PPL: variants seen among roughly 807,000 people sequenced by gnomAD.
The protein encoded by PPL is 190 kDa paraneoplastic pemphigus antigen.
PPL carries 198 observed loss-of-function variants against 194.4 expected under a neutral mutation model. The ratio of observed to expected loss-of-function variants is 1.02; its 90% CI spans 0.91 to 1.15. The LOEUF (loss-of-function observed/expected upper bound fraction) is 1.15. Ranked by LOEUF, PPL falls within the 50% of genes most tolerant of loss-of-function variation. PPL has a pLI of 0.00. For missense variants in PPL, 2,885 were observed against 2,294.8 expected, an observed-to-expected ratio of 1.26 and a Z score of -5.25; for synonymous variants, 1,220 against 972.4, an observed-to-expected ratio of 1.25 and a Z score of -4.74.
intron 1 of PPL, among the ~76,000 whole-genome samples, chr16:4,924,675 C>A (rs913500097): frequency 2.0e-5 from 3 of 152,180 alleles, no homozygotes; most frequent in Admixed American, 6.5e-5. Context: ...ACTGTGCCCA[C>A]TGGAGCCTGG....
intron 3 of PPL, 52 bp downstream of exon 3, chr16:4,903,834 T>G: frequency 6.2e-7 from 1 of 1,602,820 alleles, no homozygotes; most frequent in Non-Finnish European, 8.5e-7. Context: ...CCCCCCGCCC[T>G]GGCCCATAGC....
intron 1 of PPL, 118 bp from the exon 2 acceptor site, chr16:4,911,067 C>A: frequency 1.3e-6 from 1 of 764,270 alleles, no homozygotes; most frequent in Non-Finnish European, 2.2e-6. Flanking sequence ...GAGCTGCCCA[C>A]AGAGCCTTTG....
At chr16:4,887,507 G>T (rs1325563305) in intron 20 of PPL, among the ~76,000 whole-genome samples, 1 of 152,172 alleles carries the variant, frequency 6.6e-6, no homozygotes, top group African/African-American at 2.4e-5. Flanking sequence ...GTGTACAGGA[G>T]ACTAATATCA....
intron 1 of PPL, among the ~76,000 whole-genome samples, chr16:4,911,434 T>C (rs987072283): frequency 2.6e-5 from 4 of 152,086 alleles, no homozygotes; most frequent in African/African-American, 9.7e-5. Context: ...AGTGCTGGGA[T>C]TACAGGCGTG....
chr16:4,936,235 C>T (rs1206790337), intron 1 of PPL, among the ~76,000 whole-genome samples: 1 of 152,194 alleles, frequency 6.6e-6, no homozygotes, highest in Non-Finnish European at 1.5e-5. Flanking sequence ...GGAGCCACAC[C>T]CCTGCGAAAC....
chr16:4,887,094 T>C (rs746529032), intron 21 of PPL, 41 bp downstream of exon 21: 12 of 1,475,424 alleles, frequency 8.1e-6, no homozygotes, highest in Non-Finnish European at 1.1e-5. Flanking sequence ...TGTCACCTGT[T>C]AGAACAGCCT....
At chr16:4,919,112 G>A (rs1027073783) in intron 1 of PPL, among the ~76,000 whole-genome samples, 1 of 152,254 alleles carries the variant, frequency 6.6e-6, no homozygotes, top group South Asian at 2.1e-4. Context: ...AGTGACAGCC[G>A]AGGGTACACG....
At chr16:4,930,612 C>G (rs372289833) in intron 1 of PPL, among the ~76,000 whole-genome samples, 15 of 152,234 alleles carry the variant, frequency 9.9e-5, no homozygotes, top group East Asian at 7.7e-4. Context: ...TGTGGCTACC[C>G]CGGAGTCACA....
chr16:4,931,618 C>G (rs2089226567), intron 1 of PPL, among the ~76,000 whole-genome samples: 1 of 152,196 alleles, frequency 6.6e-6, no homozygotes, highest in Non-Finnish European at 1.5e-5. Context: ...AACACCGGCA[C>G]AGACCTGCCG....
intron 2 of PPL, among the ~76,000 whole-genome samples, chr16:4,904,530 T>C (rs4275851): frequency 0.95 from 144,190 of 151,984 alleles, 68,890 homozygotes; most frequent in East Asian, 1. Flanking sequence ...GGAAGCCTCT[T>C]CGTGGTGGAG....
chr16:4,912,856 C>A (rs2088845292), intron 1 of PPL, among the ~76,000 whole-genome samples: 1 of 152,306 alleles, frequency 6.6e-6, no homozygotes, highest in South Asian at 2.1e-4. Context: ...GTAATCCCAG[C>A]ACTTTGGGAG....
At chr16:4,930,892 G>C (rs547538177) in intron 1 of PPL, among the ~76,000 whole-genome samples, 80 of 152,334 alleles carry the variant, frequency 5.3e-4, no homozygotes, top group African/African-American at 1.9e-3. Context: ...AGAGCAAAGA[G>C]AGGTCTGGGG....
rs62036154 is a variant in PPL at position 4,905,678 on chromosome 16, C to T, written c.163-1638G>A. Among the ~76,000 whole-genome samples, 16 of 152,224 alleles carry T rather than the reference C, an allele frequency of 1.1e-4. 1 individual carries two copies. Among genetic ancestry groups the T allele is most frequent in the Admixed American group, 8.5e-4 (13 of 15,292 alleles). On this transcript the variant is annotated intron_variant, in intron 2 of 21. Coordinates refer to ENST00000345988, the MANE Select transcript of PPL (RefSeq NM_002705.5). Reference sequence around the variant, plus strand: ...CACAGGGGTGACGTGGTGCCTGGTACGAAGTAAAGACTTGGCTTCTTCTTG... The same window carrying T: ...CACAGGGGTGACGTGGTGCCTGGTATGAAGTAAAGACTTGGCTTCTTCTTG...
rs372319293 is a variant in PPL at position 4,926,795 on chromosome 16, C to T, written c.62+10189G>A. 2.4e-4 allele frequency among the ~76,000 whole-genome samples: 34 copies of T among 141,156 alleles called. No individual in the cohort carries two copies. In the South Asian group the frequency reaches 6.4e-3, roughly 27 times the overall value. 92.6% of individuals were successfully genotyped at this position (141,156 alleles called of 152,430 possible). A position where few individuals can be genotyped will look rare whatever the true frequency, so the allele number is the denominator to read the frequency against. On this transcript the variant is annotated intron_variant, in intron 1 of 21. Coordinates refer to ENST00000345988, the MANE Select transcript of PPL (RefSeq NM_002705.5). ...TTGGGAGGCTGAGGCGGGAGAATGG[C>T]GTGAACCTGGGAGGCAGAACTTGCA...
intron 1 of PPL, among the ~76,000 whole-genome samples, chr16:4,921,192 C>T (rs910313071): frequency 2.0e-5 from 3 of 152,236 alleles, no homozygotes; most frequent in African/African-American, 7.2e-5. Flanking sequence ...ATATGAGGCT[C>T]TTGATGCAAG....
At chr16:4,899,193 TC>T in intron 7 of PPL, 29 bp downstream of exon 7, 1 of 1,613,426 alleles carries the variant, frequency 6.2e-7, no homozygotes, top group Non-Finnish European at 8.5e-7. Context: ...GGCTGCCTCC[TC>T]CCTGATGCCC....
rs2088115404 is a variant in PPL, at chr16:4,882,520, G to C, written c.*864C>G. On this transcript the variant is annotated 3_prime_UTR_variant, in exon 22 of 22. Coordinates refer to ENST00000345988, the MANE Select transcript of PPL (RefSeq NM_002705.5). ...AAGAAACATGTGGACCGTACAAGCAGACTCCAGCCACCAGGTTTATTTTCA... is the reference window on the plus strand; with the variant it reads ...AAGAAACATGTGGACCGTACAAGCACACTCCAGCCACCAGGTTTATTTTCA... The C allele has an allele frequency of 6.6e-6, 1 of 151,974 alleles. No individual in the cohort carries two copies. The highest frequency in any genetic ancestry group is 1.5e-5 in the Non-Finnish European group (1 of 67,996). 9.4% of individuals were successfully genotyped at this position (151,974 alleles called of 1,614,324 possible).
intron 2 of PPL, among the ~76,000 whole-genome samples, chr16:4,910,435 C>CA (rs1268699977): frequency 6.6e-6 from 1 of 152,144 alleles, no homozygotes; most frequent in Non-Finnish European, 1.5e-5. Flanking sequence ...CTCACTTGTC[C>CA]AAGGTCACCC....
Position 4,885,792 on chromosome 16 carries a change from G to C in PPL, c.2863C>G (p.Arg955Gly), listed in dbSNP as rs759068790. Residue 955 changes from arginine to glycine, a missense_variant, in exon 22 of 22, where the codon CGG becomes GGG. Coordinates refer to ENST00000345988, the MANE Select transcript of PPL (RefSeq NM_002705.5). The surrounding 1 kb of genome is among the most constrained non-coding windows in gnomAD (Gnocchi z 6.3). Reference sequence around the variant, plus strand: ...TTGTGCTGCTCCTCTGCCAGCGTCCGCTGCAGCTGCTGGAAGCTCTCCTCC... The same window carrying C: ...TTGTGCTGCTCCTCTGCCAGCGTCCCCTGCAGCTGCTGGAAGCTCTCCTCC... ...VLEESFQQLQ[R>G]TLAEEQHKNQ... 1 of 1,609,318 alleles carries C rather than the reference G, an allele frequency of 6.2e-7. No homozygotes were observed. Among genetic ancestry groups the C allele is most frequent in the Non-Finnish European group, 8.5e-7 (1 of 1,179,958 alleles).
Sources: allele counts gnomAD v4.1 joint callset (sites outside exome capture counted in the v4.1 genomes callset), GRCh38; gene constraint gnomAD v4.1.1; non-coding constraint Gnocchi (gnomAD v3.1); transcripts MANE v1.5; gene names NCBI Gene and HGNC (gene_info 2026-07-23, HGNC 2026-07-21).